The following CTNNA2 variants were observed in gnomAD, a reference collection of about 807,000 sequenced individuals.
CTNNA2 encodes catenin alpha-2.
A neutral mutation model predicts 101.0 loss-of-function variants in CTNNA2; 42 were observed. The ratio of observed to expected loss-of-function variants is 0.42; its 90% confidence interval spans 0.32 to 0.54. The LOEUF (loss-of-function observed/expected upper bound fraction) is 0.54. Ranked by LOEUF, CTNNA2 falls within the 20% of genes least tolerant of loss-of-function variation. CTNNA2 has a pLI of 0.14. For synonymous variants in CTNNA2, 450 were observed against 456.4 expected, an observed-to-expected ratio of 0.99 and a Z score of 0.18; for missense variants, 871 against 1,223.1, an observed-to-expected ratio of 0.71 and a Z score of 4.29.
intron 7 of CTNNA2, among the ~76,000 whole-genome samples, chr2:80,013,410 T>C (rs879195930): frequency 1.3e-5 from 2 of 152,214 alleles, no homozygotes; most frequent in Admixed American, 1.3e-4. Context: ...ACTGCAGCTA[T>C]CTTTTAAGTG....
chr2:79,673,824 C>G (rs1039782149), intron 2 of CTNNA2, among the ~76,000 whole-genome samples: 1 of 152,158 alleles, frequency 6.6e-6, no homozygotes, highest in South Asian at 2.1e-4. Context: ...TAGTCTCCCT[C>G]TGTCTCTGCT....
chr2:79,280,152 C>T (rs1226269163), intron 2 of CTNNA2, among the ~76,000 whole-genome samples: 5 of 152,122 alleles, frequency 3.3e-5, no homozygotes, highest in Admixed American at 6.5e-5. Context: ...CGGAGGTTCA[C>T]CATTGCATAA....
intron 6 of CTNNA2, among the ~76,000 whole-genome samples, chr2:79,881,297 G>T (rs1191155803): frequency 1.3e-5 from 2 of 152,188 alleles, no homozygotes; most frequent in Non-Finnish European, 2.9e-5. Flanking sequence ...TTCATTTGGG[G>T]TGCAGAGTTC....
intron 6 of CTNNA2, among the ~76,000 whole-genome samples, chr2:79,887,199 G>C (rs1395097100): frequency 6.6e-6 from 1 of 152,132 alleles, no homozygotes; most frequent in East Asian, 1.9e-4. Flanking sequence ...CTGCAGAGTA[G>C]GGAGACAGAT....
intron 9 of CTNNA2, among the ~76,000 whole-genome samples, chr2:80,470,501 G>A (rs1478575390): frequency 6.6e-6 from 1 of 152,104 alleles, no homozygotes; most frequent in Admixed American, 6.6e-5. Context: ...TAAGCCTGCG[G>A]AAAACAGCAG....
chr2:80,032,702 T>C lies in CTNNA2; in HGVS notation c.1056+122905T>C, dbSNP rs114637543. On this transcript the variant is annotated intron_variant, in intron 7 of 18. Transcript: ENST00000402739. Reference sequence around the variant, plus strand: ...TTCTATAAAATAGCTGGTTAGAAGATTTAATGATAGAAAAACATCAATTTA... The same window carrying C: ...TTCTATAAAATAGCTGGTTAGAAGACTTAATGATAGAAAAACATCAATTTA... Among the ~76,000 whole-genome samples the C allele has an allele frequency of 4.4e-3, 676 of 152,314 alleles. 7 individuals carry two copies. The highest frequency in any genetic ancestry group is 0.015 in the African/African-American group (627 of 41,566).
chr2:80,633,357 A>C (rs1224236868), intron 18 of CTNNA2, among the ~76,000 whole-genome samples: 1 of 152,172 alleles, frequency 6.6e-6, no homozygotes, highest in African/African-American at 2.4e-5. Context: ...AAAATGAAAA[A>C]GTGGAAGATG....
At chr2:80,223,390 T>C (rs1708688880) in intron 7 of CTNNA2, among the ~76,000 whole-genome samples, 1 of 152,206 alleles carries the variant, frequency 6.6e-6, no homozygotes. Flanking sequence ...TTCTCCTGCC[T>C]CAGCCTCCCG....
intron 13 of CTNNA2, chr2:80,579,017 C>A (rs1343111740): frequency 6.6e-6 from 1 of 151,958 alleles, no homozygotes; most frequent in Non-Finnish European, 1.5e-5. Context: ...CTTAGGAGTC[C>A]TGTGGGGCAG....
chr2:80,432,335 C>A (rs777288865), intron 9 of CTNNA2, among the ~76,000 whole-genome samples: 3 of 152,102 alleles, frequency 2.0e-5, no homozygotes, highest in African/African-American at 7.2e-5. Context: ...ACATGAGCAT[C>A]TTTTGGGGAA....
At chr2:80,362,406 T>C in intron 7 of CTNNA2, among the ~76,000 whole-genome samples, 1 of 152,186 alleles carries the variant, frequency 6.6e-6, no homozygotes, top group Non-Finnish European at 1.5e-5. Flanking sequence ...TTTTTCTTTT[T>C]TGATTTGTGC....
chr2:79,701,526 G>C (rs375713295), intron 2 of CTNNA2, among the ~76,000 whole-genome samples: 2 of 152,184 alleles, frequency 1.3e-5, no homozygotes, highest in East Asian at 3.9e-4. Context: ...AGATCTACTG[G>C]ACAGCAATTC....
intron 7 of CTNNA2, among the ~76,000 whole-genome samples, chr2:79,976,641 A>T (rs1690863865): frequency 6.6e-6 from 1 of 152,174 alleles, no homozygotes; most frequent in Non-Finnish European, 1.5e-5. Flanking sequence ...TTACATTTTA[A>T]CCTCACAGTG....
intron 7 of CTNNA2, among the ~76,000 whole-genome samples, chr2:80,118,679 A>G (rs1701661636): frequency 6.6e-6 from 1 of 152,262 alleles, no homozygotes; most frequent in Non-Finnish European, 1.5e-5. Context: ...CAAAGGAAGT[A>G]GAAAACATAA....
At chr2:80,504,464 G>A (rs958128984) in intron 9 of CTNNA2, among the ~76,000 whole-genome samples, 9 of 152,248 alleles carry the variant, frequency 5.9e-5, no homozygotes, top group East Asian at 1.9e-4. Flanking sequence ...TGACAATCCC[G>A]TAGTATTCAT....
chr2:79,609,186 A>G (rs550582121), intron 1 of CTNNA2, among the ~76,000 whole-genome samples: 5 of 152,158 alleles, frequency 3.3e-5, no homozygotes, highest in African/African-American at 1.2e-4. Context: ...ACAAAAGCAA[A>G]GATCTAAGTA....
At chr2:80,426,887 A>G (rs146528835) in intron 9 of CTNNA2, among the ~76,000 whole-genome samples, 10 of 151,976 alleles carry the variant, frequency 6.6e-5, no homozygotes. Context: ...GTTTCTAGGC[A>G]TTGTTCAGCT....
chr2:80,477,449 A>G (rs929272221), intron 9 of CTNNA2, among the ~76,000 whole-genome samples: 82 of 152,034 alleles, frequency 5.4e-4, no homozygotes, highest in Admixed American at 4.7e-3. Flanking sequence ...CTTTTAGTGT[A>G]CCTATCTCCA....
chr2:79,637,797 T>G (rs13400937), intron 1 of CTNNA2, among the ~76,000 whole-genome samples: 68,639 of 152,176 alleles, frequency 0.45, 20,000 homozygotes, highest in African/African-American at 0.81. Context: ...AAGTTGAATT[T>G]TATCTTGGAA....
Sources: gnomAD v4.1 joint callset for allele counts (sites outside exome capture counted in the v4.1 genomes callset) on GRCh38, gnomAD v4.1.1 for gene constraint, MANE v1.5 for transcripts, NCBI Gene and HGNC (gene_info 2026-07-23, HGNC 2026-07-21) for gene names.